EPHA6: variants seen among roughly 807,000 people sequenced by gnomAD.
EPHA6 encodes ephrin type-A receptor 6.
Under a neutral mutation model 112.0 loss-of-function variants are expected in EPHA6, and 50 were observed. The observed-to-expected ratio is 0.45, with a 90% CI of 0.36 to 0.56. The LOEUF is 0.56. Among genes scored for constraint, EPHA6 ranks in the 20% least tolerant of loss-of-function variants. The pLI is 0.00. For synonymous variants in EPHA6, 529 were observed against 490.7 expected, an observed-to-expected ratio of 1.08 and a Z score of -1.03; for missense variants, 1,280 against 1,417.4, an observed-to-expected ratio of 0.90 and a Z score of 1.56.
intron 3 of EPHA6, among the ~76,000 whole-genome samples, chr3:97,130,331 A>G (rs2048305316): frequency 6.6e-6 from 1 of 151,326 alleles, no homozygotes; most frequent in African/African-American, 2.4e-5. Context: ...TATCTGTCAA[A>G]CTGGATTTCT....
chr3:96,857,041 G>A lies in EPHA6; in HGVS notation c.386-9784G>A, dbSNP rs144457653. 3.4e-3 allele frequency among the ~76,000 whole-genome samples: 517 copies of A among 152,038 alleles called. 4 individuals carry two copies. The highest frequency in any genetic ancestry group is 0.012 in the African/African-American group (485 of 41,518). On this transcript the variant is annotated intron_variant, in intron 1 of 17. Coordinates refer to ENST00000389672, the MANE Select transcript of EPHA6 (RefSeq NM_001080448.3). ...TTGTCATCAAAATATTAATAGTTTC[G>A]GAACATTATAGATTTCATTGCCATA...
intron 2 of EPHA6, among the ~76,000 whole-genome samples, chr3:96,906,998 T>A (rs1264846523): frequency 1.3e-5 from 2 of 151,872 alleles, no homozygotes; most frequent in Admixed American, 6.6e-5. Context: ...TCTAAGGAGA[T>A]ATTAATGGAC....
At chr3:97,546,719 C>G (rs552899001) in intron 11 of EPHA6, among the ~76,000 whole-genome samples, 8 of 152,130 alleles carry the variant, frequency 5.3e-5, no homozygotes, top group East Asian at 3.9e-4. Context: ...ACGTAGATTT[C>G]GTCTTTTCAC....
intron 5 of EPHA6, among the ~76,000 whole-genome samples, chr3:97,377,737 G>A (rs1038579711): frequency 5.9e-5 from 9 of 152,226 alleles, no homozygotes; most frequent in Middle Eastern, 3.4e-3. Flanking sequence ...AGAGACTGGC[G>A]GCATTTTGCC....
chr3:97,165,597 G>C (rs956345866), intron 3 of EPHA6, among the ~76,000 whole-genome samples: 1 of 152,068 alleles, frequency 6.6e-6, no homozygotes, highest in Admixed American at 6.6e-5. Context: ...AATGAGCAGA[G>C]ACAAGTCTGG....
At chr3:97,490,248 T>G (rs2091806260) in intron 10 of EPHA6, among the ~76,000 whole-genome samples, 1 of 152,152 alleles carries the variant, frequency 6.6e-6, no homozygotes, top group Admixed American at 6.6e-5. Context: ...GCATAATATG[T>G]GCAAATAAAA....
chr3:97,004,998 C>A (rs568658581), intron 3 of EPHA6, among the ~76,000 whole-genome samples: 7 of 152,088 alleles, frequency 4.6e-5, no homozygotes, highest in Non-Finnish European at 8.8e-5. Context: ...CAGTACCATG[C>A]GGTTTTGGTT....
intron 2 of EPHA6, among the ~76,000 whole-genome samples, chr3:96,890,345 A>C (rs1325133821): frequency 6.6e-6 from 1 of 152,192 alleles, no homozygotes; most frequent in Non-Finnish European, 1.5e-5. Context: ...GGTAGAAAAA[A>C]TGGACCCAAA....
At position 97,754,896 on chromosome 3, in the gene EPHA6, A is replaced by G. The variant is rs1030883815; in HGVS notation, c.*6195A>G. On this transcript the variant is annotated 3_prime_UTR_variant, in exon 18 of 18. Transcript: ENST00000389672. ...TTTTTTGTATTTTTAGTAGAGACGG[A>G]GTTTCACCGTGTTAGCCAGGATGGT... Among the ~76,000 whole-genome samples, 1 of 151,886 alleles carries G rather than the reference A, an allele frequency of 6.6e-6. No homozygotes were observed. The highest frequency in any genetic ancestry group is 6.6e-5 in the Admixed American group (1 of 15,266).
chr3:96,940,812 G>C (rs368208574), intron 2 of EPHA6, among the ~76,000 whole-genome samples: 2 of 151,506 alleles, frequency 1.3e-5, no homozygotes, highest in Non-Finnish European at 2.9e-5. Context: ...AAAATCTCTC[G>C]GCATTTGCTT....
intron 5 of EPHA6, among the ~76,000 whole-genome samples, chr3:97,349,613 CTG>C (rs745733205): frequency 1.6e-4 from 25 of 152,148 alleles, no homozygotes; most frequent in Admixed American, 7.2e-4. Flanking sequence ...AGTATAAAAA[CTG>C]TGGCAAATAT....
At chr3:97,503,985 G>GGGTT (rs2092186262) in intron 10 of EPHA6, among the ~76,000 whole-genome samples, 1 of 152,234 alleles carries the variant, frequency 6.6e-6, no homozygotes. Context: ...GGAGCATTTA[G>GGGTT]GGTTATTCTT....
At chr3:96,851,305 G>A (rs2035370473) in intron 1 of EPHA6, among the ~76,000 whole-genome samples, 1 of 151,964 alleles carries the variant, frequency 6.6e-6, no homozygotes, top group Non-Finnish European at 1.5e-5. Flanking sequence ...AAATGTAAAG[G>A]GAATATAAAC....
At chr3:96,981,431 G>A (rs2042771366) in intron 2 of EPHA6, among the ~76,000 whole-genome samples, 1 of 152,098 alleles carries the variant, frequency 6.6e-6, no homozygotes, top group East Asian at 1.9e-4. Flanking sequence ...GCTTTTTGAT[G>A]TGCTGCTAGA....
chr3:97,168,684 T>G (rs987498387), intron 3 of EPHA6, among the ~76,000 whole-genome samples: 1 of 151,994 alleles, frequency 6.6e-6, no homozygotes, highest in African/African-American at 2.4e-5. Context: ...TCTACTATGA[T>G]TGTAAGTTTC....
At chr3:97,589,620 C>T (rs755158699) in intron 11 of EPHA6, among the ~76,000 whole-genome samples, 12 of 152,100 alleles carry the variant, frequency 7.9e-5, no homozygotes, top group African/African-American at 1.9e-4. Flanking sequence ...TCCTAATTTG[C>T]GACTCTCCCT....
At chr3:97,578,943 T>C (rs2093412902) in intron 11 of EPHA6, among the ~76,000 whole-genome samples, 1 of 152,202 alleles carries the variant, frequency 6.6e-6, no homozygotes. Flanking sequence ...GCAACCATTT[T>C]TCTTTGGTCT....
chr3:97,431,222 T>C (rs1307228034), intron 6 of EPHA6, among the ~76,000 whole-genome samples: 1 of 152,104 alleles, frequency 6.6e-6, no homozygotes, highest in Non-Finnish European at 1.5e-5. Context: ...ATGTGTATAT[T>C]TTAATTAGAA....
chr3:97,289,163 T>A (rs72924482), intron 5 of EPHA6, among the ~76,000 whole-genome samples: 1,595 of 152,278 alleles, frequency 0.01, 31 homozygotes, highest in African/African-American at 0.035. Context: ...CCAAGGCCAA[T>A]GTCCAGAATG....
Sources: gnomAD v4.1 joint callset for allele counts (sites outside exome capture counted in the v4.1 genomes callset) on GRCh38, gnomAD v4.1.1 for gene constraint, MANE v1.5 for transcripts, NCBI Gene and HGNC (gene_info 2026-07-23, HGNC 2026-07-21) for gene names.